CHSY3: variants seen among roughly 807,000 people sequenced by gnomAD.
The protein encoded by CHSY3 is N-acetylgalactosaminyl-proteoglycan 3-beta-glucuronosyltransferase 3.
Under a neutral mutation model 67.2 loss-of-function variants are expected in CHSY3, and 35 were observed. That is an observed-to-expected ratio of 0.52 (90% CI 0.40 to 0.69). The LOEUF (loss-of-function observed/expected upper bound fraction) is 0.69. Among genes scored for constraint, CHSY3 ranks in the 30% least tolerant of loss-of-function variants. CHSY3 has a pLI of 0.00. For missense variants in CHSY3, 1,069 were observed against 1,138.5 expected (o/e 0.94, Z 0.88); for synonymous variants, 474 against 434.7 (o/e 1.09, Z -1.12).
At chr5:129,969,820 T>C (rs1762587866) in intron 2 of CHSY3, among the ~76,000 whole-genome samples, 1 of 151,856 alleles carries the variant, frequency 6.6e-6, no homozygotes, top group African/African-American at 2.4e-5. Context: ...AGAAAAATAG[T>C]TTACTTTAAT....
At chr5:130,050,927 T>C (rs1208268385) in intron 2 of CHSY3, among the ~76,000 whole-genome samples, 3 of 152,196 alleles carry the variant, frequency 2.0e-5, no homozygotes, top group Admixed American at 2.0e-4. Context: ...TTAATTGTTA[T>C]ATACCCACCT....
intron 2 of CHSY3, among the ~76,000 whole-genome samples, chr5:130,000,439 T>C (rs1763686550): frequency 6.6e-6 from 1 of 152,216 alleles, no homozygotes; most frequent in Non-Finnish European, 1.5e-5. Context: ...TACTTCATGG[T>C]TGAAAAGATT....
At chr5:129,944,295 A>G (rs1761783486) in intron 2 of CHSY3, among the ~76,000 whole-genome samples, 1 of 152,208 alleles carries the variant, frequency 6.6e-6, no homozygotes, top group Admixed American at 6.5e-5. Context: ...GGTATCCAGA[A>G]AGAGATCAGT....
rs553491701 is a variant in CHSY3, at chr5:130,107,306, A to G, written c.1087-76923A>G. 6.6e-5 allele frequency among the ~76,000 whole-genome samples: 10 copies of G among 151,350 alleles called. No individual in the cohort carries two copies. In the East Asian group the frequency reaches 1.9e-3, roughly 29 times the overall value. Reference sequence around the variant, plus strand: ...GTAAATTCTCCTGACCTTCTTCACAATGTTACTATAGCTAACGTTAACAAT... The same window carrying G: ...GTAAATTCTCCTGACCTTCTTCACAGTGTTACTATAGCTAACGTTAACAAT... On this transcript the variant is annotated intron_variant, in intron 2 of 2. Transcript: ENST00000305031.
chr5:130,151,741 A>G (rs553415357), intron 2 of CHSY3, among the ~76,000 whole-genome samples: 1 of 152,258 alleles, frequency 6.6e-6, no homozygotes, highest in African/African-American at 2.4e-5. Context: ...GAACTCACTC[A>G]GTATCATGAG....
intron 2 of CHSY3, among the ~76,000 whole-genome samples, chr5:129,929,150 TC>T (rs1224626364): frequency 6.6e-6 from 1 of 152,122 alleles, no homozygotes; most frequent in Non-Finnish European, 1.5e-5. Flanking sequence ...GTGACAAAGG[TC>T]AGACAGTAAA....
At chr5:129,933,345 G>C (rs886813778) in intron 2 of CHSY3, among the ~76,000 whole-genome samples, 3 of 152,140 alleles carry the variant, frequency 2.0e-5, no homozygotes, top group African/African-American at 7.2e-5. Flanking sequence ...GTCAGGCTTA[G>C]TCAGCATGAC....
chr5:130,141,609 G>A (rs1229249572), intron 2 of CHSY3: 3 of 507,684 alleles, frequency 5.9e-6, no homozygotes, highest in Non-Finnish European at 1.2e-5. Context: ...CTGAAGATGA[G>A]AAGCAGAAGG....
intron 2 of CHSY3, chr5:130,141,560 A>T (rs1768866825): frequency 4.7e-6 from 2 of 422,564 alleles, no homozygotes; most frequent in Non-Finnish European, 9.3e-6. Flanking sequence ...AGCAAGGAAG[A>T]CATTGAATGT....
At chr5:130,040,847 C>G (rs527795728) in intron 2 of CHSY3, among the ~76,000 whole-genome samples, 7 of 152,088 alleles carry the variant, frequency 4.6e-5, no homozygotes, top group Non-Finnish European at 7.4e-5. Flanking sequence ...ATACTGATCC[C>G]TTTGTGAGGC....
At chr5:130,142,836 G>C (rs1768909116) in intron 2 of CHSY3, among the ~76,000 whole-genome samples, 1 of 152,122 alleles carries the variant, frequency 6.6e-6, no homozygotes, top group Non-Finnish European at 1.5e-5. Flanking sequence ...TCAGAAAATA[G>C]GGCAGAGTCA....
intron 2 of CHSY3, among the ~76,000 whole-genome samples, chr5:130,107,217 C>T (rs1767438445): frequency 6.6e-6 from 1 of 151,204 alleles, no homozygotes. Context: ...TTACTCTTCA[C>T]CTATAAAAAC....
chr5:130,081,735 G>A (rs1276199359), intron 2 of CHSY3, among the ~76,000 whole-genome samples: 6 of 152,072 alleles, frequency 3.9e-5, no homozygotes, highest in Admixed American at 3.3e-4. Flanking sequence ...CATGTGAGAT[G>A]TGCCTTTGCT....
At chr5:129,930,505 T>TG (rs767039886) in intron 2 of CHSY3, among the ~76,000 whole-genome samples, 3,795 of 74,674 alleles carry the variant, frequency 0.051, 150 homozygotes, top group Non-Finnish European at 0.058. Flanking sequence ...GAGGCATCAC[T>TG]GGCGGGGGGG....
intron 2 of CHSY3, among the ~76,000 whole-genome samples, chr5:129,917,053 C>T (rs1760753213): frequency 6.6e-6 from 1 of 152,248 alleles, no homozygotes; most frequent in South Asian, 2.1e-4. Context: ...TAGTAATTTT[C>T]TTGTATATTA....
At chr5:130,026,980 C>T (rs768432855) in intron 2 of CHSY3, among the ~76,000 whole-genome samples, 3 of 152,128 alleles carry the variant, frequency 2.0e-5, no homozygotes, top group African/African-American at 7.2e-5. Flanking sequence ...CTAGTGCTGT[C>T]TTTTCCTGTG....
At chr5:130,077,774 T>C (rs1766316961) in intron 2 of CHSY3, among the ~76,000 whole-genome samples, 1 of 151,960 alleles carries the variant, frequency 6.6e-6, no homozygotes, top group African/African-American at 2.4e-5. Context: ...ATAAACCTAC[T>C]TGTAGTTCTG....
In CHSY3 at chr5:130,080,437, G is replaced by T. The variant is rs115350274; in HGVS notation, c.1087-103792G>T. On this transcript the variant is annotated intron_variant, in intron 2 of 2. Transcript: ENST00000305031. ...GCCCACTAGGATGTTTTTTCTCACA[G>T]TGTATTTCTGCAAGCAAGGTATTTT... Among the ~76,000 whole-genome samples, 751 of 152,198 alleles carry T rather than the reference G, an allele frequency of 4.9e-3. 12 individuals are homozygous for T. Among genetic ancestry groups the T allele is most frequent in the African/African-American group, 0.017 (713 of 41,538 alleles).
intron 2 of CHSY3, among the ~76,000 whole-genome samples, chr5:129,915,455 A>T (rs1410287133): frequency 6.6e-6 from 1 of 152,200 alleles, no homozygotes; most frequent in African/African-American, 2.4e-5. Context: ...TTCTAAATTA[A>T]CTGAATCAAA....
Sources: allele counts gnomAD v4.1 joint callset (sites outside exome capture counted in the v4.1 genomes callset), GRCh38; gene constraint gnomAD v4.1.1; transcripts MANE v1.5; gene names NCBI Gene and HGNC (gene_info 2026-07-23, HGNC 2026-07-21).